PCDH15: variants seen among roughly 807,000 people sequenced by gnomAD.
PCDH15 encodes the protein protocadherin-15.
In PCDH15, 129 loss-of-function variants were observed where a neutral mutation model predicts 178.5. That is an observed-to-expected ratio of 0.72 (90% CI 0.63 to 0.84). The LOEUF is 0.84. Among genes scored for constraint, PCDH15 ranks in the 40% least tolerant of loss-of-function variants. PCDH15 has a pLI of 0.00. For missense variants in PCDH15, 2,230 were observed against 2,099.9 expected (o/e 1.06, Z -1.21); for synonymous variants, 800 against 732.0 (o/e 1.09, Z -1.50).
At chr10:55,112,040 T>C (rs965645667) in intron 2 of PCDH15, among the ~76,000 whole-genome samples, 1 of 152,300 alleles carries the variant, frequency 6.6e-6, no homozygotes, top group Admixed American at 6.5e-5. Flanking sequence ...TTTTAGGAAC[T>C]TTTTTAGATT....
intron 3 of PCDH15, among the ~76,000 whole-genome samples, chr10:54,466,388 C>G (rs1242370060): frequency 2.0e-5 from 3 of 151,764 alleles, no homozygotes; most frequent in Non-Finnish European, 4.4e-5. Flanking sequence ...TTCATTCTTT[C>G]CATGTGGATA....
At chr10:54,918,887 C>T (rs1286478047) in intron 2 of PCDH15, among the ~76,000 whole-genome samples, 2 of 152,006 alleles carry the variant, frequency 1.3e-5, no homozygotes, top group African/African-American at 2.4e-5. Context: ...GCTGAATACA[C>T]CAAACATCAT....
intron 18 of PCDH15, among the ~76,000 whole-genome samples, chr10:54,050,550 T>C (rs748708772): frequency 6.6e-6 from 1 of 152,072 alleles, no homozygotes; most frequent in African/African-American, 2.4e-5. Flanking sequence ...TTTTGGGGCC[T>C]CAATTTAATT....
At chr10:55,580,663 ATTACGATGGCTT>A (rs1842596965) in intron 2 of PCDH15, among the ~76,000 whole-genome samples, 1 of 152,128 alleles carries the variant, frequency 6.6e-6, no homozygotes, top group South Asian at 2.1e-4. Flanking sequence ...GCGCCCGGCC[ATTACGATGGCTT>A]TTACCTGAAA....
At chr10:54,277,575 A>T (rs1033528761) in intron 8 of PCDH15, among the ~76,000 whole-genome samples, 1 of 151,724 alleles carries the variant, frequency 6.6e-6, no homozygotes, top group Non-Finnish European at 1.5e-5. Context: ...AAATGATTAT[A>T]CATATTTGTA....
At chr10:55,236,528 G>A (rs1413878446) in intron 1 of PCDH15, among the ~76,000 whole-genome samples, 1 of 151,992 alleles carries the variant, frequency 6.6e-6, no homozygotes, top group Non-Finnish European at 1.5e-5. Flanking sequence ...TGAGCAATTT[G>A]TGCCTTATTA....
At chr10:54,398,152 TGTC>T (rs1316877344) in intron 3 of PCDH15, among the ~76,000 whole-genome samples, 1 of 151,902 alleles carries the variant, frequency 6.6e-6, no homozygotes, top group Non-Finnish European at 1.5e-5. Context: ...TATTTTTGCC[TGTC>T]TTTAAGATTT....
intron 1 of PCDH15, among the ~76,000 whole-genome samples, chr10:55,170,474 T>C (rs1261449682): frequency 6.6e-6 from 1 of 152,056 alleles, no homozygotes; most frequent in East Asian, 1.9e-4. Context: ...GCTGGAGAGA[T>C]GATAATACCA....
At chr10:53,866,942 T>G in intron 26 of PCDH15, 85 bp from the exon 27 acceptor site, 1 of 942,366 alleles carries the variant, frequency 1.1e-6, no homozygotes, top group Non-Finnish European at 1.7e-6. Context: ...TTTGTAAGAA[T>G]GAGGTTTCTT....
intron 8 of PCDH15, among the ~76,000 whole-genome samples, chr10:54,278,296 C>T (rs1279116489): frequency 6.6e-6 from 1 of 151,500 alleles, no homozygotes; most frequent in Non-Finnish European, 1.5e-5. Context: ...GGTGTCATCT[C>T]TAAGACAATT....
chr10:53,998,954 AG>A (rs2091985950), intron 20 of PCDH15, among the ~76,000 whole-genome samples: 2 of 150,342 alleles, frequency 1.3e-5, no homozygotes, highest in African/African-American at 4.9e-5. Flanking sequence ...CGAGAGGCTG[AG>A]GAAGGGAGAA....
intron 3 of PCDH15, among the ~76,000 whole-genome samples, chr10:54,412,478 A>G (rs1953682298): frequency 6.6e-6 from 1 of 152,138 alleles, no homozygotes; most frequent in Non-Finnish European, 1.5e-5. Context: ...GGGAATTTGG[A>G]TGACCAAGAC....
At chr10:55,328,593 A>G (rs2132307532) in intron 2 of PCDH15, among the ~76,000 whole-genome samples, 1 of 151,706 alleles carries the variant, frequency 6.6e-6, no homozygotes, top group South Asian at 2.1e-4. Flanking sequence ...TATATACTCA[A>G]CACTCCATAT....
chr10:55,605,299 T>C (rs376757691), intron 2 of PCDH15, among the ~76,000 whole-genome samples: 4 of 152,128 alleles, frequency 2.6e-5, no homozygotes, highest in Admixed American at 6.6e-5. Flanking sequence ...GGATTCACAG[T>C]CGAATTCTAC....
intron 1 of PCDH15, among the ~76,000 whole-genome samples, chr10:55,299,061 T>A (rs1325379023): frequency 6.6e-6 from 1 of 152,192 alleles, no homozygotes; most frequent in Non-Finnish European, 1.5e-5. Flanking sequence ...TAAAATATTA[T>A]TACTTCACTG....
At chr10:54,360,615 G>T (rs950219696) in intron 5 of PCDH15, among the ~76,000 whole-genome samples, 2 of 151,964 alleles carry the variant, frequency 1.3e-5, no homozygotes, top group African/African-American at 4.8e-5. Context: ...GTTATTAAAG[G>T]TTATATATTC....
chr10:53,816,223 A>G lies in PCDH15; in HGVS notation c.4491+16T>C. 1 of 398,880 alleles carries G rather than the reference A, an allele frequency of 2.5e-6. No homozygotes were observed. Among genetic ancestry groups the G allele is most frequent in the East Asian group, 3.6e-5 (1 of 28,026 alleles). The allele number at this position is 398,880 out of a possible 1,614,324, so 24.7% of individuals were successfully genotyped here. A position where few individuals can be genotyped will look rare whatever the true frequency, so the allele number is the denominator to read the frequency against. ...TGAAGGCTCAGTGAGGTTGAAAAGA[A>G]AATGAAAATTGATACCTCTGGTTTA... On this transcript the variant is annotated intron_variant, in intron 35 of 37. Coordinates refer to ENST00000644397, the MANE Select transcript of PCDH15 (RefSeq NM_001384140.1).
At chr10:54,467,584 A>T (rs552221928) in intron 3 of PCDH15, among the ~76,000 whole-genome samples, 4 of 146,942 alleles carry the variant, frequency 2.7e-5, no homozygotes, top group African/African-American at 1.0e-4. Flanking sequence ...TTTGTTCATC[A>T]AGGATATCAA....
At chr10:53,923,182 C>T (rs1380092703) in intron 25 of PCDH15, among the ~76,000 whole-genome samples, 1 of 152,162 alleles carries the variant, frequency 6.6e-6, no homozygotes, top group Non-Finnish European at 1.5e-5. Context: ...TAACTAGTAA[C>T]AGGCTTTCAA....
Sources: gnomAD v4.1 joint callset for allele counts (sites outside exome capture counted in the v4.1 genomes callset) on GRCh38, gnomAD v4.1.1 for gene constraint, MANE v1.5 for transcripts, NCBI Gene and HGNC (gene_info 2026-07-23, HGNC 2026-07-21) for gene names.